Variants in PLEKHG1 observed in about 807,000 individuals in gnomAD.
PLEKHG1 encodes pleckstrin homology and RhoGEF domain containing G1, also known as pleckstrin homology domain-containing family G member 1.
A neutral mutation model predicts 100.8 loss-of-function variants in PLEKHG1; 44 were observed. That is an observed-to-expected ratio of 0.44 (90% CI 0.34 to 0.56). PLEKHG1 has a LOEUF of 0.56. Among genes scored for constraint, PLEKHG1 ranks in the 20% least tolerant of loss-of-function variants. The pLI, the probability that PLEKHG1 is intolerant of heterozygous loss-of-function variation, is 0.01. For missense variants in PLEKHG1, 1,545 were observed against 1,720.9 expected (o/e 0.90, Z 1.81); for synonymous variants, 640 against 662.5 (o/e 0.97, Z 0.52).
intron 3 of PLEKHG1, among the ~76,000 whole-genome samples, chr6:150,688,429 T>C (rs980065002): frequency 6.6e-5 from 10 of 152,184 alleles, no homozygotes; most frequent in African/African-American, 2.4e-4. Context: ...CAAGTGATTC[T>C]CATACCTCAG....
intron 2 of PLEKHG1, among the ~76,000 whole-genome samples, chr6:150,767,609 T>C (rs879638776): frequency 8.5e-5 from 13 of 152,242 alleles, no homozygotes; most frequent in Admixed American, 2.0e-4. Context: ...GAAACAATTA[T>C]CTAATGGATC....
At chr6:150,792,890 A>G (rs1326720685) in intron 4 of PLEKHG1, among the ~76,000 whole-genome samples, 1 of 152,188 alleles carries the variant, frequency 6.6e-6, no homozygotes, top group Non-Finnish European at 1.5e-5. Flanking sequence ...TCACACCAGG[A>G]AACAAGCTAC....
At chr6:150,724,218 A>T (rs550630917) in intron 1 of PLEKHG1, among the ~76,000 whole-genome samples, 1 of 152,376 alleles carries the variant, frequency 6.6e-6, no homozygotes, top group African/African-American at 2.4e-5. Context: ...ATGTGGAGTA[A>T]TAAAATCTAA....
chr6:150,793,802 C>T (rs1037621706), intron 4 of PLEKHG1, among the ~76,000 whole-genome samples: 1 of 152,164 alleles, frequency 6.6e-6, no homozygotes, highest in Admixed American at 6.6e-5. Context: ...TGAAACCAGG[C>T]CAGGCGTGGT....
intron 2 of PLEKHG1, among the ~76,000 whole-genome samples, chr6:150,647,715 A>AG (rs1778561379): frequency 6.6e-6 from 1 of 152,136 alleles, no homozygotes. Flanking sequence ...TTTTGACGTA[A>AG]AATTCTAATT....
At chr6:150,631,353 A>G (rs1777738887) in intron 1 of PLEKHG1, among the ~76,000 whole-genome samples, 1 of 152,198 alleles carries the variant, frequency 6.6e-6, no homozygotes, top group African/African-American at 2.4e-5. Flanking sequence ...CGTTTTAGGC[A>G]GCTTTTCAGG....
At chr6:150,622,879 C>G (rs1311629493) in intron 1 of PLEKHG1, among the ~76,000 whole-genome samples, 1 of 152,122 alleles carries the variant, frequency 6.6e-6, no homozygotes, top group Non-Finnish European at 1.5e-5. Flanking sequence ...GATAGAAAAA[C>G]AAAGAGGGAG....
intron 3 of PLEKHG1, among the ~76,000 whole-genome samples, chr6:150,656,998 G>C (rs113981834): frequency 1.3e-5 from 2 of 152,152 alleles, no homozygotes; most frequent in Non-Finnish European, 1.5e-5. Context: ...GCATAAAAGT[G>C]ATAGGGTATC....
Position 150,657,301 on chromosome 6 carries a change from G to A in PLEKHG1, c.-99+6515G>A, listed in dbSNP as rs904862331. ...TGAGCTAAGGTACTGTGAAGGATAT[G>A]AAGGCAAAGATACAAGGCTTCTGCC... On this transcript the variant is annotated intron_variant, in intron 3 of 3. Coordinates refer to the PLEKHG1 transcript ENST00000367326. Among the ~76,000 whole-genome samples the A allele has an allele frequency of 3.3e-5, 5 of 152,244 alleles. No homozygotes were observed. The South Asian group carries it at 1.0e-3, about 32-fold the overall frequency.
At chr6:150,784,700 G>A (rs189260369) in intron 3 of PLEKHG1, among the ~76,000 whole-genome samples, 499 of 152,168 alleles carry the variant, frequency 3.3e-3, no homozygotes, top group Non-Finnish European at 4.9e-3. Flanking sequence ...TGAACACAGT[G>A]AGACAAGATT....
chr6:150,706,894 G>A (rs768804206), intron 3 of PLEKHG1, among the ~76,000 whole-genome samples: 2 of 147,570 alleles, frequency 1.4e-5, no homozygotes, highest in Non-Finnish European at 3.0e-5. Flanking sequence ...CCCCTCCACT[G>A]TAAACCTTCT....
chr6:150,843,549 G>A (rs1165199180), exon 16 of PLEKHG1: 1 of 149,318 alleles, frequency 6.7e-6, no homozygotes, highest in Non-Finnish European at 1.5e-5. Flanking sequence ...CTTTTCACCT[G>A]CTCTATTCTT....
intron 3 of PLEKHG1, among the ~76,000 whole-genome samples, chr6:150,715,219 G>C (rs958115206): frequency 2.0e-5 from 3 of 152,098 alleles, no homozygotes; most frequent in African/African-American, 7.2e-5. Flanking sequence ...TTTTTTGTTT[G>C]TTTGAACAAG....
At chr6:150,658,662 C>G (rs1228674046) in intron 3 of PLEKHG1, among the ~76,000 whole-genome samples, 6 of 152,188 alleles carry the variant, frequency 3.9e-5, no homozygotes, top group Non-Finnish European at 8.8e-5. Context: ...CCTCTAACTC[C>G]TAACTCTCCT....
rs765645545 is a variant in PLEKHG1, at chr6:150,831,431, G to C, written c.2320G>C (p.Asp774His). 1.2e-6 allele frequency: 2 copies of C among 1,614,084 alleles called. No individual in the cohort carries two copies. The highest frequency in any genetic ancestry group is 2.2e-5 in the South Asian group (2 of 91,068). ...GAGCACCTTTTTGGGTCTGGAGGCC[G>C]ACTTCGTGTGCTGTGACAGCCTGAG... The change falls in exon 15 of 16, where the codon GAC (aspartate) becomes CAC (histidine). Residue 774 changes from aspartate (D) to histidine (H), a missense_variant. By Grantham distance (81) the Asp-to-His change is moderately conservative. Transcript: ENST00000358517. The surrounding 1 kb of genome is among the most constrained non-coding windows in gnomAD (Gnocchi z 4.1).
At chr6:150,650,491 C>T (rs1396307596) in intron 2 of PLEKHG1, among the ~76,000 whole-genome samples, 1 of 152,202 alleles carries the variant, frequency 6.6e-6, no homozygotes, top group African/African-American at 2.4e-5. Context: ...CTTTCTAATA[C>T]CACATCCTGT....
At chr6:150,603,094 T>TAAA (rs1456634355) in intron 1 of PLEKHG1, among the ~76,000 whole-genome samples, 1 of 118,144 alleles carries the variant, frequency 8.5e-6, no homozygotes, top group Admixed American at 9.7e-5. Flanking sequence ...AAAAAAAAAA[T>TAAA]AAAAAAAAAG....
chr6:150,811,309 G>A (rs782663), intron 10 of PLEKHG1, among the ~76,000 whole-genome samples: 33,176 of 150,700 alleles, frequency 0.22, 3,793 homozygotes, highest in Middle Eastern at 0.28. Flanking sequence ...TTACTCTGTC[G>A]CCCAGGCTGG....
rs534867258 is a variant in PLEKHG1 at position 150,724,379 on chromosome 6, G to C, written c.-99+3179G>C. On this transcript the variant is annotated intron_variant, in intron 1 of 15. Coordinates refer to ENST00000358517, the Ensembl canonical transcript of PLEKHG1. ...GAAAAGGGTAGAGTGGATTTTGGTA[G>C]ACAACTAACAGTCCCTCTCTGAGTG... 9.0e-4 allele frequency among the ~76,000 whole-genome samples: 137 copies of C among 152,246 alleles called. 1 individual carries two copies. Among genetic ancestry groups the C allele is most frequent in the African/African-American group, 3.2e-3 (133 of 41,540 alleles).
Sources: allele counts gnomAD v4.1 joint callset (sites outside exome capture counted in the v4.1 genomes callset), GRCh38; gene constraint gnomAD v4.1.1; non-coding constraint Gnocchi (gnomAD v3.1); transcripts MANE v1.5; gene names NCBI Gene and HGNC (gene_info 2026-07-23, HGNC 2026-07-21).